FAM156A: variants seen among roughly 807,000 people sequenced by gnomAD.
FAM156A encodes family with sequence similarity 156 member A.
intron 1 of FAM156A, among the ~76,000 whole-genome samples, chrX:52,989,820 C>T (rs1310803337): frequency 8.9e-6 from 1 of 112,332 alleles, no homozygotes; most frequent in African/African-American, 3.2e-5. Flanking sequence ...AGCCTGCCCC[C>T]AGTATCTTCA....
chrX:52,993,549 G>A (rs1556796049), intron 1 of FAM156A, among the ~76,000 whole-genome samples: 1 of 108,323 alleles, frequency 9.2e-6, no homozygotes, highest in Non-Finnish European at 1.9e-5. Flanking sequence ...CAAGTAGCTG[G>A]GATTATAGGT....
At chrX:52,993,352 CT>C (rs1569210166) in intron 1 of FAM156A, among the ~76,000 whole-genome samples, 1 of 109,744 alleles carries the variant, frequency 9.1e-6, no homozygotes, top group Non-Finnish European at 1.9e-5. Flanking sequence ...CCCACACACC[CT>C]GAATAAAATA....
At position 52,980,856 on chromosome X, in the gene FAM156A, G is replaced by GGA. The variant is rs782820340; in HGVS notation, c.-434+14448_-434+14449dup. ...TGTGTGTGTGTGTGTGTGTGTAGAGGGAGAGAGAGAGAGAGAGGCTGTGGG... is the reference window on the plus strand; with the variant it reads ...TGTGTGTGTGTGTGTGTGTGTAGAGGGAGAGAGAGAGAGAGAGAGGCTGTGGG... On this transcript the variant is annotated intron_variant, in intron 1 of 4. Transcript: ENST00000610625. 1.7e-3 allele frequency among the ~76,000 whole-genome samples: 138 copies of GGA among 82,442 alleles called. 1 individual carries two copies. The highest frequency in any genetic ancestry group is 4.5e-4 in the Non-Finnish European group (19 of 42,355). 71.6% of individuals were successfully genotyped at this position (82,442 alleles called of 115,157 possible). A position where few individuals can be genotyped will look rare whatever the true frequency, so the allele number is the denominator to read the frequency against.
At position 52,975,700 on chromosome X, in the gene FAM156A, T is replaced by A. The variant is rs112003770; in HGVS notation, c.-433-11465A>T. Reference sequence around the variant, plus strand: ...GTAGGCTTCCAGATACCAAGACAGGTGCCCCAGGCCAGTCTCTGAAGTGAT... The same window carrying A: ...GTAGGCTTCCAGATACCAAGACAGGAGCCCCAGGCCAGTCTCTGAAGTGAT... On this transcript the variant is annotated intron_variant, in intron 1 of 4. Coordinates refer to the FAM156A transcript ENST00000610625. Among the ~76,000 whole-genome samples, 805 of 111,790 alleles carry A rather than the reference T, an allele frequency of 7.2e-3. 12 individuals are homozygous for A. Among genetic ancestry groups the A allele is most frequent in the African/African-American group, 0.025 (759 of 30,783 alleles).
chrX:52,979,693 A>T (rs1327723530), intron 1 of FAM156A, among the ~76,000 whole-genome samples: 2 of 111,480 alleles, frequency 1.8e-5, no homozygotes, highest in Admixed American at 1.9e-4. Context: ...CTGAGCATCA[A>T]TGTCCCATGG....
chrX:52,994,395 T>C (rs1421005991), intron 1 of FAM156A, among the ~76,000 whole-genome samples: 3 of 110,218 alleles, frequency 2.7e-5, no homozygotes, highest in African/African-American at 6.6e-5. Context: ...CCCAACCTAA[T>C]ACAAAACAGA....
Position 52,983,408 on chromosome X carries a change from CT to C in FAM156A, c.-434+11897del, listed in dbSNP as rs200184129. ...CAAAAAAAAAAGCTATTTTTAATTCCTTTTTTTGGCTTTCATTGCAATTATA... is the reference window on the plus strand; with the variant it reads ...CAAAAAAAAAAGCTATTTTTAATTCCTTTTTTGGCTTTCATTGCAATTATA... On this transcript the variant is annotated intron_variant, in intron 1 of 4. Transcript: ENST00000610625. Among the ~76,000 whole-genome samples the C allele has an allele frequency of 7.8e-3, 869 of 111,848 alleles. 5 individuals carry two copies. The highest frequency in any genetic ancestry group is 0.027 in the African/African-American group (828 of 30,831).
At chrX:52,976,051 C>T (rs1157486965) in intron 1 of FAM156A, among the ~76,000 whole-genome samples, 1 of 111,193 alleles carries the variant, frequency 9.0e-6, no homozygotes, top group Non-Finnish European at 1.9e-5. Flanking sequence ...ATGCTGCCCC[C>T]GAGGGTCACT....
At chrX:52,985,620 T>C (rs1284119759) in intron 1 of FAM156A, among the ~76,000 whole-genome samples, 2 of 111,623 alleles carry the variant, frequency 1.8e-5, no homozygotes, top group Non-Finnish European at 3.8e-5. Flanking sequence ...AGCTCGTTCT[T>C]TGAAAACTTT....
chrX:52,986,802 T>C (rs953954145), intron 1 of FAM156A, among the ~76,000 whole-genome samples: 6 of 111,736 alleles, frequency 5.4e-5, no homozygotes, highest in African/African-American at 1.9e-4. Context: ...CAAACAAGGT[T>C]GCTCATTCTC....
chrX:52,978,281 T>G (rs2146600376), intron 1 of FAM156A, among the ~76,000 whole-genome samples: 1 of 112,116 alleles, frequency 8.9e-6, no homozygotes, highest in South Asian at 3.7e-4. Flanking sequence ...AAAAGTAGAC[T>G]TGACATCTGT....
chrX:52,978,773 G>A (rs1452961142), intron 1 of FAM156A, among the ~76,000 whole-genome samples: 1 of 111,880 alleles, frequency 8.9e-6, no homozygotes, highest in East Asian at 2.8e-4. Context: ...CGTCAGTGTC[G>A]GTCTCCTCAG....
Position 52,988,363 on chromosome X carries a change from T to C in FAM156A, c.-434+6943A>G, listed in dbSNP as rs185377819. Among the ~76,000 whole-genome samples the C allele has an allele frequency of 6.1e-3, 659 of 107,392 alleles. 6 individuals carry two copies. The highest frequency in any genetic ancestry group is 0.021 in the African/African-American group (624 of 29,296). 93.3% of individuals were successfully genotyped at this position (107,392 alleles called of 115,157 possible). A position where few individuals can be genotyped will look rare whatever the true frequency, so the allele number is the denominator to read the frequency against. ...GTATTATTCCATTTCTATGATATCC[T>C]GGAAAAGACAATAGTATAGTGATAA... On this transcript the variant is annotated intron_variant, in intron 1 of 4. Transcript: ENST00000610625.
chrX:52,989,192 C>T (rs907113847), intron 1 of FAM156A, among the ~76,000 whole-genome samples: 4 of 111,380 alleles, frequency 3.6e-5, no homozygotes, highest in Admixed American at 1.9e-4. Context: ...CACCCATAGG[C>T]AGAGATGACG....
intron 1 of FAM156A, among the ~76,000 whole-genome samples, chrX:52,979,544 C>T (rs1929712774): frequency 9.0e-6 from 1 of 111,268 alleles, no homozygotes; most frequent in Non-Finnish European, 1.9e-5. Context: ...CCTTCTCCCA[C>T]AGCACACACC....
In FAM156A at chrX:52,981,955, C is replaced by A. The variant is rs782806767; in HGVS notation, c.-434+13351G>T. On this transcript the variant is annotated intron_variant, in intron 1 of 4. Coordinates refer to the FAM156A transcript ENST00000610625. ...TTGTGTTTTCTTCATTGTTAGAAAA[C>A]CAGTGTGTACTAATCTGAAATCAAA... is the stretch of plus-strand genomic sequence containing the variant. 5.5e-5 allele frequency among the ~76,000 whole-genome samples: 6 copies of A among 109,793 alleles called. No individual in the cohort carries two copies. The Admixed American group carries it at 5.9e-4, about 11-fold the overall frequency.
chrX:52,979,455 A>G (rs1307212332), intron 1 of FAM156A, among the ~76,000 whole-genome samples: 15 of 110,756 alleles, frequency 1.4e-4, no homozygotes, highest in African/African-American at 4.9e-4. Flanking sequence ...CTTAGGACCA[A>G]TGTCTTCCCT....
intron 1 of FAM156A, among the ~76,000 whole-genome samples, chrX:52,983,959 T>C (rs1930087460): frequency 8.9e-6 from 1 of 112,241 alleles, no homozygotes; most frequent in African/African-American, 3.2e-5. Context: ...GCTTTCACCA[T>C]ATTTTAGTGA....
At chrX:52,981,464 G>A (rs1556793391) in intron 1 of FAM156A, among the ~76,000 whole-genome samples, 1 of 111,534 alleles carries the variant, frequency 9.0e-6, no homozygotes, top group Non-Finnish European at 1.9e-5. Context: ...CTTTACCCTT[G>A]TTAGGGCACC....
Sources: allele counts gnomAD v4.1 joint callset (sites outside exome capture counted in the v4.1 genomes callset), GRCh38; gene constraint gnomAD v4.1.1; transcripts MANE v1.5; gene names NCBI Gene and HGNC (gene_info 2026-07-23, HGNC 2026-07-21).